The following AUTS2 variants were observed in gnomAD, a reference collection of about 807,000 sequenced individuals.
AUTS2 encodes activator of transcription and developmental regulator AUTS2, also known as autism susceptibility gene 2 protein.
In AUTS2, 17 loss-of-function variants were observed where a neutral mutation model predicts 112.4. The observed-to-expected ratio is 0.15, with a 90% CI of 0.10 to 0.23. The LOEUF is 0.23. AUTS2 is among the 10% of genes least tolerant of loss of function. AUTS2 has a pLI of 1.00. For synonymous variants in AUTS2, 751 were observed against 702.7 expected (o/e 1.07, Z -1.09); for missense variants, 1,510 against 1,701.6 (o/e 0.89, Z 1.98).
chr7:70,684,504 GATGGTGTGGTGTGGT>G (rs917584459), intron 5 of AUTS2, among the ~76,000 whole-genome samples: 8 of 152,090 alleles, frequency 5.3e-5, no homozygotes, highest in Admixed American at 1.3e-4. Context: ...GTGGGGATAG[GATGGTGTGGTGTGGT>G]ATGGTGTGGC....
chr7:70,545,629 T>C (rs1800741980), intron 5 of AUTS2, among the ~76,000 whole-genome samples: 1 of 152,180 alleles, frequency 6.6e-6, no homozygotes, highest in Non-Finnish European at 1.5e-5. Context: ...GACAAAGTCT[T>C]TTTTGACCTC....
chr7:69,607,237 G>T (rs548611174), intron 1 of AUTS2, among the ~76,000 whole-genome samples: 1 of 152,222 alleles, frequency 6.6e-6, no homozygotes, highest in South Asian at 2.1e-4. Flanking sequence ...CTTCTTTGAA[G>T]GTGTTTATTT....
At chr7:70,320,440 A>G (rs140221067) in intron 4 of AUTS2, among the ~76,000 whole-genome samples, 496 of 152,340 alleles carry the variant, frequency 3.3e-3, no homozygotes, top group Non-Finnish European at 5.4e-3. Context: ...AGCATGTATT[A>G]AATCTGTCTT....
At chr7:70,742,247 T>C (rs1329767075) in intron 6 of AUTS2, among the ~76,000 whole-genome samples, 1 of 152,212 alleles carries the variant, frequency 6.6e-6, no homozygotes, top group Non-Finnish European at 1.5e-5. Context: ...AAAGTACATG[T>C]TAAAGAGACA....
intron 4 of AUTS2, among the ~76,000 whole-genome samples, chr7:70,379,775 T>C (rs1046440278): frequency 1.3e-5 from 2 of 152,168 alleles, no homozygotes; most frequent in Admixed American, 1.3e-4. Flanking sequence ...TCAGACTTGG[T>C]CTATTATGAC....
chr7:70,472,573 A>T (rs1157678907), intron 5 of AUTS2, among the ~76,000 whole-genome samples: 3 of 152,194 alleles, frequency 2.0e-5, no homozygotes, highest in Non-Finnish European at 4.4e-5. Context: ...ATTACCAGCC[A>T]TTAAAAATGT....
chr7:70,208,706 G>C (rs910000828), intron 4 of AUTS2, among the ~76,000 whole-genome samples: 1 of 151,976 alleles, frequency 6.6e-6, no homozygotes, highest in Non-Finnish European at 1.5e-5. Context: ...CTAGGCTAAC[G>C]TGATAGAGAT....
intron 6 of AUTS2, among the ~76,000 whole-genome samples, chr7:70,742,910 A>G (rs1343225401): frequency 6.6e-6 from 1 of 152,194 alleles, no homozygotes; most frequent in Non-Finnish European, 1.5e-5. Flanking sequence ...TCTCTTTTTC[A>G]GATGAAGAAA....
intron 2 of AUTS2, among the ~76,000 whole-genome samples, chr7:70,002,047 T>A (rs1799222953): frequency 6.6e-6 from 1 of 152,206 alleles, no homozygotes; most frequent in Admixed American, 6.5e-5. Context: ...ATTTTGGCTT[T>A]AATAAAAACA....
intron 4 of AUTS2, among the ~76,000 whole-genome samples, chr7:70,235,802 C>A (rs1477695340): frequency 2.0e-5 from 3 of 152,014 alleles, no homozygotes; most frequent in Non-Finnish European, 4.4e-5. Flanking sequence ...CGGGCACCCA[C>A]CACCATGCCG....
intron 5 of AUTS2, among the ~76,000 whole-genome samples, chr7:70,462,201 G>A (rs564058022): frequency 6.6e-6 from 1 of 152,094 alleles, no homozygotes. Context: ...GCAGTGAGCC[G>A]AGATTGAGTC....
At chr7:70,386,526 A>G (rs1793615059) in intron 4 of AUTS2, among the ~76,000 whole-genome samples, 1 of 152,002 alleles carries the variant, frequency 6.6e-6, no homozygotes, top group Admixed American at 6.6e-5. Flanking sequence ...ATTCCCTCCT[A>G]CCCAGACCCT....
intron 5 of AUTS2, among the ~76,000 whole-genome samples, chr7:70,479,689 T>G (rs552047385): frequency 6.6e-6 from 1 of 152,314 alleles, no homozygotes; most frequent in East Asian, 1.9e-4. Flanking sequence ...ACATTGGTTT[T>G]TCTGGCTCTT....
intron 1 of AUTS2, among the ~76,000 whole-genome samples, chr7:69,789,610 G>T (rs1371179016): frequency 6.6e-6 from 1 of 152,188 alleles, no homozygotes; most frequent in Non-Finnish European, 1.5e-5. Context: ...AGCAGCTTAG[G>T]ATCAACATTA....
chr7:69,797,673 A>G (rs909258199), intron 1 of AUTS2, among the ~76,000 whole-genome samples: 4 of 152,136 alleles, frequency 2.6e-5, no homozygotes, highest in Non-Finnish European at 5.9e-5. Context: ...GAGAGCCACA[A>G]TGGGCTTCCT....
At chr7:70,000,176 T>C (rs1799122739) in intron 2 of AUTS2, among the ~76,000 whole-genome samples, 1 of 152,198 alleles carries the variant, frequency 6.6e-6, no homozygotes, top group African/African-American at 2.4e-5. Flanking sequence ...AACAGAGCTG[T>C]CTGTACAGGG....
intron 1 of AUTS2, among the ~76,000 whole-genome samples, chr7:69,855,180 C>G (rs1019145349): frequency 2.6e-5 from 4 of 152,158 alleles, no homozygotes; most frequent in South Asian, 4.2e-4. Context: ...ACGTGATGGA[C>G]CTAGTCTGTG....
chr7:70,182,964 T>C (rs1809396495), intron 4 of AUTS2, among the ~76,000 whole-genome samples: 1 of 152,126 alleles, frequency 6.6e-6, no homozygotes, highest in South Asian at 2.1e-4. Context: ...AGAAGGCAGA[T>C]GTGGCTGCAT....
chr7:70,623,651 G>T (rs1172481390), intron 5 of AUTS2, among the ~76,000 whole-genome samples: 1 of 152,154 alleles, frequency 6.6e-6, no homozygotes. Flanking sequence ...CGTGTTCAGG[G>T]GATCACTGGA....
Sources: allele counts gnomAD v4.1 joint callset (sites outside exome capture counted in the v4.1 genomes callset), GRCh38; gene constraint gnomAD v4.1.1; transcripts MANE v1.5; gene names NCBI Gene and HGNC (gene_info 2026-07-23, HGNC 2026-07-21).